PGM2: variants seen among roughly 807,000 people sequenced by gnomAD.
The protein encoded by PGM2 is phosphoglucomutase 2.
Under a neutral mutation model 74.6 loss-of-function variants are expected in PGM2, and 57 were observed. That is an observed-to-expected ratio of 0.76 (90% CI 0.62 to 0.95). The LOEUF (loss-of-function observed/expected upper bound fraction) is 0.95. Among genes scored for constraint, PGM2 ranks in the 40% least tolerant of loss-of-function variants. PGM2 has a pLI of 0.00. For missense variants in PGM2, 706 were observed against 741.9 expected (o/e 0.95, Z 0.56); for synonymous variants, 273 against 260.7 (o/e 1.05, Z -0.46).
Position 37,826,819 on chromosome 4 carries a change from G to C in PGM2, c.81+6G>C. 1 of 1,537,908 alleles carries C rather than the reference G, an allele frequency of 6.5e-7. No homozygotes were observed. Among genetic ancestry groups the C allele is most frequent in the Non-Finnish European group, 8.8e-7 (1 of 1,136,598 alleles). Reference sequence around the variant, plus strand: ...AGTGGCTGCGCTGGGACAAGGTGAGGGGCACCAGCAGGCGGGGAGCGCCTG... The same window carrying C: ...AGTGGCTGCGCTGGGACAAGGTGAGCGGCACCAGCAGGCGGGGAGCGCCTG... On this transcript the variant is annotated splice_donor_region_variant and intron_variant, in intron 1 of 13. Coordinates refer to ENST00000381967, the MANE Select transcript of PGM2 (RefSeq NM_018290.4).
intron 3 of PGM2, among the ~76,000 whole-genome samples, chr4:37,835,922 A>G (rs1355177781): frequency 6.6e-6 from 1 of 152,260 alleles, no homozygotes; most frequent in Non-Finnish European, 1.5e-5. Flanking sequence ...TCACAAGAGA[A>G]TGATGTGGTA....
chr4:37,841,188 G>GTGTGTGTGTGTGT (rs60419379), intron 6 of PGM2, among the ~76,000 whole-genome samples: 27 of 141,238 alleles, frequency 1.9e-4, no homozygotes, highest in African/African-American at 3.6e-4. Context: ...GTGTGTGTGT[G>GTGTGTGTGTGTGT]GTTTGTTCTG....
chr4:37,837,239 A>G (rs1455143376), intron 3 of PGM2, among the ~76,000 whole-genome samples: 3 of 152,216 alleles, frequency 2.0e-5, no homozygotes, highest in South Asian at 2.1e-4. Context: ...CTGAAAGGCC[A>G]GGAAGCAGCC....
chr4:37,837,837 T>C (rs1235641671), intron 4 of PGM2, among the ~76,000 whole-genome samples: 1 of 152,162 alleles, frequency 6.6e-6, no homozygotes, highest in African/African-American at 2.4e-5. Context: ...TTTTTTAAAT[T>C]GCAGTTTTCC....
intron 6 of PGM2, 25 bp from the exon 7 acceptor site, chr4:37,844,339 T>C (rs373016295): frequency 8.5e-6 from 13 of 1,521,484 alleles, no homozygotes; most frequent in Non-Finnish European, 9.0e-6. Flanking sequence ...CCTTGTATCA[T>C]TTTCCACTGT....
At chr4:37,832,773 C>A (rs1725470900) in intron 2 of PGM2, among the ~76,000 whole-genome samples, 1 of 152,114 alleles carries the variant, frequency 6.6e-6, no homozygotes, top group Non-Finnish European at 1.5e-5. Flanking sequence ...CCAAAATCTG[C>A]CTTTCTGTAG....
chr4:37,841,094 A>ATTTG (rs767857815), intron 6 of PGM2, among the ~76,000 whole-genome samples: 1 of 115,702 alleles, frequency 8.6e-6, no homozygotes, highest in Non-Finnish European at 1.7e-5. Flanking sequence ...ATATATATAT[A>ATTTG]TATATATGTG....
chr4:37,860,419 ACT>A (rs1340162142), intron 13 of PGM2, among the ~76,000 whole-genome samples: 1 of 152,194 alleles, frequency 6.6e-6, no homozygotes, highest in Non-Finnish European at 1.5e-5. Context: ...CTGTACAGAA[ACT>A]CTCTTGAGAA....
chr4:37,837,756 C>G, intron 4 of PGM2, 143 bp downstream of exon 4: 1 of 650,194 alleles, frequency 1.5e-6, no homozygotes, highest in South Asian at 1.8e-5. Context: ...ATTTCCTTCT[C>G]TCCTGGAATG....
chr4:37,843,912 C>G, intron 6 of PGM2, among the ~76,000 whole-genome samples: 1 of 152,084 alleles, frequency 6.6e-6, no homozygotes, highest in East Asian at 1.9e-4. Context: ...ATGGGATAAC[C>G]CAACACATTT....
Position 37,837,521 on chromosome 4 carries a change from A to C in PGM2, c.357-8A>C, listed in dbSNP as rs199710823. ...CTCCTTTTCTTCCCTGTCACTCTGC[A>C]TTCTCAGGTTTGCCCGACTTGCTGC... On this transcript the variant is annotated splice_region_variant and splice_polypyrimidine_tract_variant and intron_variant, in intron 3 of 13. Transcript: ENST00000381967. 49 of 1,581,624 alleles carry C rather than the reference A, an allele frequency of 3.1e-5. No individual in the cohort carries two copies. Among genetic ancestry groups the C allele is most frequent in the Middle Eastern group, 1.7e-4 (1 of 6,006 alleles).
In PGM2 at chr4:37,847,214, G is replaced by A. The variant is rs140033585; in HGVS notation, c.1201G>A (p.Gly401Ser). ...EGFHFEETLT[G>S]FKWMGNRAKQ... ...ATTATCCCTTTAGGAAACATTAACT[G>A]GCTTTAAGTGGATGGGAAACAGAGC... The change falls in exon 10 of 14, where the codon GGC (glycine) becomes AGC (serine). Residue 401 changes from glycine to serine, a missense_variant. Transcript: ENST00000381967. The A allele has an allele frequency of 3.7e-6, 6 of 1,613,436 alleles. No individual in the cohort carries two copies. The African/African-American group carries it at 5.3e-5, about 14-fold the overall frequency.
intron 6 of PGM2, among the ~76,000 whole-genome samples, chr4:37,842,833 T>C (rs1725767551): frequency 6.6e-6 from 1 of 152,088 alleles, no homozygotes; most frequent in South Asian, 2.1e-4. Flanking sequence ...GCTAATTTTT[T>C]GTATTTTTTT....
intron 1 of PGM2, 64 bp from the exon 2 acceptor site, chr4:37,829,899 AT>A: frequency 3.4e-6 from 3 of 894,516 alleles, no homozygotes; most frequent in Non-Finnish European, 5.0e-6. Context: ...ATGATTGTGA[AT>A]TTTTTTACAT....
chr4:37,853,393 A>G (rs531633457), intron 12 of PGM2, among the ~76,000 whole-genome samples: 2 of 146,528 alleles, frequency 1.4e-5, no homozygotes, highest in Non-Finnish European at 3.0e-5. Context: ...AATGTAAACA[A>G]TATCTTACCT....
intron 11 of PGM2, among the ~76,000 whole-genome samples, chr4:37,849,671 A>T (rs563293416): frequency 2.6e-5 from 4 of 152,198 alleles, no homozygotes; most frequent in African/African-American, 9.6e-5. Context: ...GGCCTCCCAA[A>T]GTGCTGGGAT....
chr4:37,860,790 G>C (rs1711744905), intron 13 of PGM2, among the ~76,000 whole-genome samples: 1 of 152,174 alleles, frequency 6.6e-6, no homozygotes. Flanking sequence ...CAAGTCAGCT[G>C]TATCTGTTAC....
intron 13 of PGM2, among the ~76,000 whole-genome samples, chr4:37,860,318 G>T (rs952435154): frequency 6.6e-6 from 1 of 152,230 alleles, no homozygotes; most frequent in Non-Finnish European, 1.5e-5. Flanking sequence ...TATGTTGCCA[G>T]TAGGGATAAA....
chr4:37,841,998 A>G (rs1269139438), intron 6 of PGM2, among the ~76,000 whole-genome samples: 3 of 152,194 alleles, frequency 2.0e-5, no homozygotes, highest in Admixed American at 6.5e-5. Context: ...TTGACAGCAT[A>G]TGATACCTAC....
Sources: gnomAD v4.1 joint callset for allele counts (sites outside exome capture counted in the v4.1 genomes callset) on GRCh38, gnomAD v4.1.1 for gene constraint, MANE v1.5 for transcripts, NCBI Gene and HGNC (gene_info 2026-07-23, HGNC 2026-07-21) for gene names.